Variants in OSBPL8 observed in about 807,000 individuals in gnomAD.
OSBPL8 encodes the protein oxysterol-binding protein-related protein 8.
In OSBPL8, 59 loss-of-function variants were observed where a neutral mutation model predicts 125.5. That is an observed-to-expected ratio of 0.47 (90% CI 0.38 to 0.58). The LOEUF (loss-of-function observed/expected upper bound fraction) is 0.58. OSBPL8 is among the 20% of genes least tolerant of loss of function. The pLI, the probability that OSBPL8 is intolerant of heterozygous loss-of-function variation, is 0.00. For synonymous variants in OSBPL8, 330 were observed against 338.9 expected (o/e 0.97, Z 0.29); for missense variants, 758 against 1,047.8 (o/e 0.72, Z 3.82).
At chr12:76,401,930 G>T (rs375502731) in intron 6 of OSBPL8, among the ~76,000 whole-genome samples, 14 of 152,168 alleles carry the variant, frequency 9.2e-5, no homozygotes, top group East Asian at 3.8e-4. Context: ...GATGGGAAAA[G>T]AGTGATGATA....
In OSBPL8 at chr12:76,487,579, C is replaced by A; in HGVS notation, c.-28G>T. 1 of 1,576,956 alleles carries A rather than the reference C, an allele frequency of 6.3e-7. No individual in the cohort carries two copies. The highest frequency in any genetic ancestry group is 8.6e-7 in the Non-Finnish European group (1 of 1,166,114). On this transcript the variant is annotated 5_prime_UTR_variant, in exon 2 of 24. Transcript: ENST00000261183. ...TGAAAGAAGATAGGTTTATGCTTCT[C>A]TTTCCATTAATGTGCAGCCATTCTG...
At chr12:76,407,801 C>T (rs1480057440) in intron 5 of OSBPL8, among the ~76,000 whole-genome samples, 2 of 152,088 alleles carry the variant, frequency 1.3e-5, no homozygotes, top group African/African-American at 4.8e-5. Context: ...GTACTTTCTG[C>T]ACCACAGTCT....
intron 4 of OSBPL8, among the ~76,000 whole-genome samples, chr12:76,430,773 G>A (rs1411287534): frequency 6.6e-6 from 1 of 152,072 alleles, no homozygotes; most frequent in African/African-American, 2.4e-5. Context: ...ACTTTAAAAC[G>A]TGAAACTGTC....
intron 15 of OSBPL8, among the ~76,000 whole-genome samples, chr12:76,383,026 T>A (rs910843974): frequency 3.9e-5 from 6 of 151,980 alleles, no homozygotes; most frequent in African/African-American, 1.4e-4. Context: ...AAGGAAAAAA[T>A]AAGAAAAAAT....
At chr12:76,459,037 T>A (rs1205100523) in intron 3 of OSBPL8, among the ~76,000 whole-genome samples, 2 of 152,222 alleles carry the variant, frequency 1.3e-5, no homozygotes, top group Non-Finnish European at 2.9e-5. Context: ...TACACTTGAA[T>A]GCAGCAAACA....
intron 2 of OSBPL8, among the ~76,000 whole-genome samples, chr12:76,482,302 A>T (rs1877587436): frequency 6.6e-6 from 1 of 152,254 alleles, no homozygotes; most frequent in Non-Finnish European, 1.5e-5. Context: ...AGATAAAAGA[A>T]ATAATACTTC....
In OSBPL8 at chr12:76,390,399, C is replaced by A. The variant is rs149230331; in HGVS notation, c.1167+21G>T. ...CCAAGAATATGAAAATCCAGAACCT[C>A]TAAAAATAGCAGACTTTTACCTCTC... is the stretch of plus-strand genomic sequence containing the variant. On this transcript the variant is annotated intron_variant, in intron 11 of 23. Transcript: ENST00000261183. 2,912 of 1,521,986 alleles carry A rather than the reference C, an allele frequency of 1.9e-3. 16 individuals are homozygous for A. In the Middle Eastern group the frequency reaches 0.029, roughly 15 times the overall value. 94.3% of individuals were successfully genotyped at this position (1,521,986 alleles called of 1,614,324 possible). A position where few individuals can be genotyped will look rare whatever the true frequency, so the allele number is the denominator to read the frequency against.
At chr12:76,496,388 A>G (rs1318938256) in intron 1 of OSBPL8, among the ~76,000 whole-genome samples, 1 of 127,124 alleles carries the variant, frequency 7.9e-6, no homozygotes, top group Non-Finnish European at 1.7e-5. Flanking sequence ...TTTTTTTTTG[A>G]CAGTGTCTTG....
At chr12:76,510,422 A>G (rs1880854029) in intron 1 of OSBPL8, among the ~76,000 whole-genome samples, 1 of 152,234 alleles carries the variant, frequency 6.6e-6, no homozygotes, top group South Asian at 2.1e-4. Context: ...TCAATAAAAA[A>G]CAAGAAATCA....
chr12:76,523,164 G>A (rs1950071052), intron 1 of OSBPL8, among the ~76,000 whole-genome samples: 1 of 152,112 alleles, frequency 6.6e-6, no homozygotes, highest in Non-Finnish European at 1.5e-5. Flanking sequence ...TTTCCAGTAA[G>A]AAATTGTTAT....
intron 1 of OSBPL8, among the ~76,000 whole-genome samples, chr12:76,535,429 T>A (rs531280555): frequency 6.6e-6 from 1 of 152,168 alleles, no homozygotes; most frequent in Non-Finnish European, 1.5e-5. Flanking sequence ...ACCACTAGAA[T>A]GTTAATTAAA....
intron 4 of OSBPL8, among the ~76,000 whole-genome samples, chr12:76,411,548 C>T (rs1954514044): frequency 6.6e-6 from 1 of 151,834 alleles, no homozygotes; most frequent in African/African-American, 2.4e-5. Flanking sequence ...AAGGATAATA[C>T]CATTGATTCT....
intron 1 of OSBPL8, among the ~76,000 whole-genome samples, chr12:76,492,435 C>T (rs547569496): frequency 1.8e-4 from 28 of 152,236 alleles, no homozygotes; most frequent in Admixed American, 1.8e-3. Context: ...CCAGGTGTTT[C>T]CAATGCATGG....
chr12:76,413,906 T>G (rs944870727), intron 4 of OSBPL8, among the ~76,000 whole-genome samples: 3 of 152,214 alleles, frequency 2.0e-5, no homozygotes, highest in Non-Finnish European at 4.4e-5. Flanking sequence ...GCTATGTGGT[T>G]TCTTTTGGTG....
Position 76,359,638 on chromosome 12 carries a change from C to T in OSBPL8, c.2329-827G>A, listed in dbSNP as rs577456322. On this transcript the variant is annotated intron_variant, in intron 21 of 23. Transcript: ENST00000261183. Reference sequence around the variant, plus strand: ...GGGATGAAAAGGAGGTTTAATTTGACTTATGGTTCCACATGTCTGCAGAGG... The same window carrying T: ...GGGATGAAAAGGAGGTTTAATTTGATTTATGGTTCCACATGTCTGCAGAGG... 2.6e-4 allele frequency among the ~76,000 whole-genome samples: 39 copies of T among 152,274 alleles called. 1 individual carries two copies. The South Asian group carries it at 5.4e-3, about 21-fold the overall frequency.
At chr12:76,512,265 G>A (rs1881077904) in intron 1 of OSBPL8, among the ~76,000 whole-genome samples, 3 of 152,190 alleles carry the variant, frequency 2.0e-5, no homozygotes, top group East Asian at 1.9e-4. Flanking sequence ...AAAGAAGAGA[G>A]CCTCCAGCTC....
At chr12:76,458,115 T>G (rs901834682) in intron 3 of OSBPL8, among the ~76,000 whole-genome samples, 1 of 151,370 alleles carries the variant, frequency 6.6e-6, no homozygotes, top group African/African-American at 2.4e-5. Context: ...CTACAAAAAA[T>G]AAAAATAAAA....
intron 3 of OSBPL8, 111 bp from the exon 4 acceptor site, chr12:76,451,099 C>T: frequency 8.8e-7 from 1 of 1,140,480 alleles, no homozygotes; most frequent in Non-Finnish European, 1.2e-6. Flanking sequence ...TGGTTATATT[C>T]ATTTTACCAA....
chr12:76,547,813 T>C (rs1332218126), intron 1 of OSBPL8, among the ~76,000 whole-genome samples: 3 of 152,134 alleles, frequency 2.0e-5, no homozygotes, highest in Admixed American at 6.5e-5. Context: ...AGTTTCCAAG[T>C]AGCAAACAAG....
Sources: gnomAD v4.1 joint callset for allele counts (sites outside exome capture counted in the v4.1 genomes callset) on GRCh38, gnomAD v4.1.1 for gene constraint, MANE v1.5 for transcripts, NCBI Gene and HGNC (gene_info 2026-07-23, HGNC 2026-07-21) for gene names.